Variants in RBFOX1 observed in about 807,000 individuals in gnomAD.
RBFOX1 encodes RNA binding protein fox-1 homolog 1.
In RBFOX1, 8 loss-of-function variants were observed where a neutral mutation model predicts 57.7. The observed-to-expected ratio is 0.14, with a 90% CI of 0.08 to 0.25. The LOEUF (loss-of-function observed/expected upper bound fraction) is 0.25. RBFOX1 is among the 10% of genes least tolerant of loss of function. The pLI is 1.00. For synonymous variants in RBFOX1, 326 were observed against 222.4 expected, an observed-to-expected ratio of 1.47 and a Z score of -4.15; for missense variants, 611 against 548.5, an observed-to-expected ratio of 1.11 and a Z score of -1.14.
intron 1 of RBFOX1, among the ~76,000 whole-genome samples, chr16:6,169,517 C>G (rs551989404): frequency 6.6e-6 from 1 of 152,008 alleles, no homozygotes; most frequent in Admixed American, 6.6e-5. Context: ...TCAGGCAGCC[C>G]CCAGAATCAG....
intron 4 of RBFOX1, among the ~76,000 whole-genome samples, chr16:7,405,562 G>A (rs921560309): frequency 2.6e-5 from 4 of 152,144 alleles, no homozygotes; most frequent in African/African-American, 9.7e-5. Flanking sequence ...TCCCGTGTGC[G>A]CCTCATGCCT....
upstream of RBFOX1, among the ~76,000 whole-genome samples, chr16:6,014,757 A>C (rs894631393): frequency 6.6e-6 from 1 of 152,116 alleles, no homozygotes; most frequent in African/African-American, 2.4e-5. Context: ...TTGAACCCAG[A>C]GTCATTTATG....
chr16:7,244,939 C>A (rs1027835690), intron 4 of RBFOX1, among the ~76,000 whole-genome samples: 1 of 152,212 alleles, frequency 6.6e-6, no homozygotes, highest in Non-Finnish European at 1.5e-5. Context: ...GTCAGAGGCA[C>A]AGTAGGGAGC....
At chr16:6,552,820 GAT>G (rs952733086) in intron 2 of RBFOX1, among the ~76,000 whole-genome samples, 8 of 151,834 alleles carry the variant, frequency 5.3e-5, no homozygotes, top group African/African-American at 1.9e-4. Flanking sequence ...TTATGTGTAA[GAT>G]ATATATTATA....
chr16:6,996,284 C>A (rs1314582205), intron 3 of RBFOX1, among the ~76,000 whole-genome samples: 1 of 152,102 alleles, frequency 6.6e-6, no homozygotes, highest in Admixed American at 6.6e-5. Flanking sequence ...AGTATCTCTA[C>A]TTTAGAATAA....
At chr16:6,045,728 G>C (rs1475875143) in intron 1 of RBFOX1, among the ~76,000 whole-genome samples, 1 of 152,208 alleles carries the variant, frequency 6.6e-6, no homozygotes, top group African/African-American at 2.4e-5. Context: ...TACCATCAAT[G>C]AAATCAAGTA....
At position 7,713,131 on chromosome 16, in the gene RBFOX1, C is replaced by G. The variant is rs899102552; in HGVS notation, c.*2386C>G. The G allele has an allele frequency of 6.6e-6, 1 of 152,010 alleles. No homozygotes were observed. Among genetic ancestry groups the G allele is most frequent in the Non-Finnish European group, 1.5e-5 (1 of 68,016 alleles). 9.4% of individuals were successfully genotyped at this position (152,010 alleles called of 1,614,324 possible). A position where few individuals can be genotyped will look rare whatever the true frequency, so the allele number is the denominator to read the frequency against. On this transcript the variant is annotated 3_prime_UTR_variant, in exon 16 of 16. Transcript: ENST00000550418. ...ATTTATTTGGAATGTTTTCATTTAT[C>G]TAAATAACTATTGCTATTATGAATT...
intron 4 of RBFOX1, among the ~76,000 whole-genome samples, chr16:7,066,811 G>C (rs1173165645): frequency 6.6e-6 from 1 of 152,128 alleles, no homozygotes; most frequent in Admixed American, 6.6e-5. Flanking sequence ...TTCAATAAGA[G>C]GAGCACTTGA....
chr16:6,841,276 C>A (rs892160052), intron 3 of RBFOX1, among the ~76,000 whole-genome samples: 1 of 152,052 alleles, frequency 6.6e-6, no homozygotes, highest in African/African-American at 2.4e-5. Flanking sequence ...GAATTCCTTG[C>A]GAGGTTTGAT....
intron 1 of RBFOX1, among the ~76,000 whole-genome samples, chr16:6,251,333 G>A (rs1049557543): frequency 3.3e-5 from 5 of 152,012 alleles, no homozygotes; most frequent in African/African-American, 1.2e-4. Context: ...TTGTGACATG[G>A]GTACCATTAT....
At chr16:5,606,518 C>T (rs554148945) in intron 3 of RBFOX1, among the ~76,000 whole-genome samples, 2 of 152,132 alleles carry the variant, frequency 1.3e-5, no homozygotes, top group South Asian at 2.1e-4. Context: ...CTCATCTCTT[C>T]CTCATTCCAC....
At chr16:7,138,021 T>A (rs986948304) in intron 4 of RBFOX1, among the ~76,000 whole-genome samples, 36 of 152,234 alleles carry the variant, frequency 2.4e-4, no homozygotes, top group African/African-American at 8.2e-4. Flanking sequence ...TTGCCCGAGG[T>A]GACACAGCAG....
chr16:6,790,288 C>T lies in RBFOX1; in HGVS notation c.-16+135638C>T, dbSNP rs1482159578. On this transcript the variant is annotated intron_variant, in intron 3 of 15. Transcript: ENST00000550418. ...CAACCTCTGCCTCCAGGGTTCCAGC[C>T]ATTCTCCTGCCTCAGCTTACCGAGT... 4.0e-5 allele frequency among the ~76,000 whole-genome samples: 6 copies of T among 151,598 alleles called. No homozygotes were observed. In the East Asian group the frequency reaches 1.2e-3, roughly 29 times the overall value.
intron 3 of RBFOX1, among the ~76,000 whole-genome samples, chr16:5,644,235 C>T (rs577493741): frequency 2.0e-5 from 3 of 152,090 alleles, no homozygotes; most frequent in Non-Finnish European, 2.9e-5. Flanking sequence ...TAAATTGGGG[C>T]TCTAATTAAA....
chr16:7,348,649 A>G (rs2097065873), intron 4 of RBFOX1, among the ~76,000 whole-genome samples: 1 of 152,226 alleles, frequency 6.6e-6, no homozygotes, highest in Non-Finnish European at 1.5e-5. Context: ...AGATTACAGA[A>G]TTACACAAAA....
At chr16:6,723,595 T>C (rs879633710) in intron 3 of RBFOX1, among the ~76,000 whole-genome samples, 1 of 152,220 alleles carries the variant, frequency 6.6e-6, no homozygotes, top group South Asian at 2.1e-4. Context: ...GTAGGGGATA[T>C]CTTGAGTGAG....
At chr16:7,381,987 A>T (rs990790801) in intron 4 of RBFOX1, among the ~76,000 whole-genome samples, 1 of 152,164 alleles carries the variant, frequency 6.6e-6, no homozygotes, top group African/African-American at 2.4e-5. Context: ...CCCTTTGAGA[A>T]TCCTGCTTTT....
At chr16:5,823,042 A>G (rs576873931) in intron 3 of RBFOX1, among the ~76,000 whole-genome samples, 5 of 152,278 alleles carry the variant, frequency 3.3e-5, no homozygotes, top group Non-Finnish European at 7.4e-5. Context: ...ATCAGTTTAA[A>G]ATTAGTAATG....
chr16:6,723,192 A>G (rs2066392235), intron 3 of RBFOX1, among the ~76,000 whole-genome samples: 1 of 152,174 alleles, frequency 6.6e-6, no homozygotes, highest in African/African-American at 2.4e-5. Flanking sequence ...ATAGTGGATA[A>G]AAGTGTGGGC....
Sources: gnomAD v4.1 joint callset for allele counts (sites outside exome capture counted in the v4.1 genomes callset) on GRCh38, gnomAD v4.1.1 for gene constraint, MANE v1.5 for transcripts, NCBI Gene and HGNC (gene_info 2026-07-23, HGNC 2026-07-21) for gene names.